LAMA4: variants seen among roughly 807,000 people sequenced by gnomAD.
The protein encoded by LAMA4 is laminin subunit alpha 4, also known as laminin subunit alpha-4.
Under a neutral mutation model 207.1 loss-of-function variants are expected in LAMA4, and 127 were observed. The ratio of observed to expected loss-of-function variants is 0.61; its 90% CI spans 0.53 to 0.71. LAMA4 has a LOEUF of 0.71. Ranked by LOEUF, LAMA4 falls within the 30% of genes least tolerant of loss-of-function variation. The pLI, the probability that LAMA4 is intolerant of heterozygous loss-of-function variation, is 0.00. For missense variants in LAMA4, 2,093 were observed against 2,246.5 expected (o/e 0.93, Z 1.38); for synonymous variants, 761 against 816.0 (o/e 0.93, Z 1.15).
At chr6:112,184,023 T>A (rs370778798) in intron 9 of LAMA4, among the ~76,000 whole-genome samples, 1 of 151,266 alleles carries the variant, frequency 6.6e-6, no homozygotes, top group East Asian at 1.9e-4. Context: ...GATACCAACA[T>A]GAAGTAACAA....
At chr6:112,125,423 A>G (rs1301842654) in intron 31 of LAMA4, among the ~76,000 whole-genome samples, 1 of 152,198 alleles carries the variant, frequency 6.6e-6, no homozygotes, top group African/African-American at 2.4e-5. Flanking sequence ...CATCTAAAAC[A>G]CAGGGCCTGC....
intron 2 of LAMA4, among the ~76,000 whole-genome samples, chr6:112,220,847 A>ACTT (rs1784884831): frequency 1.3e-5 from 2 of 152,168 alleles, no homozygotes; most frequent in Non-Finnish European, 2.9e-5. Flanking sequence ...GTTATTAAAT[A>ACTT]AAGTGGGTAC....
chr6:112,119,585 G>A (rs998019967), intron 33 of LAMA4, among the ~76,000 whole-genome samples: 13 of 152,040 alleles, frequency 8.6e-5, no homozygotes, highest in African/African-American at 3.1e-4. Flanking sequence ...CTGTCTCCAG[G>A]CCCCTTTGCT....
chr6:112,224,938 G>GT (rs5879142), intron 2 of LAMA4, among the ~76,000 whole-genome samples: 48,765 of 142,974 alleles, frequency 0.34, 8,511 homozygotes, highest in East Asian at 0.67. Context: ...TTCTTTCTCA[G>GT]TTTTTTTTTT....
At chr6:112,135,095 T>C (rs1460332863) in intron 25 of LAMA4, among the ~76,000 whole-genome samples, 1 of 145,584 alleles carries the variant, frequency 6.9e-6, no homozygotes, top group Non-Finnish European at 1.5e-5. Flanking sequence ...AGCATTTCCT[T>C]GTGTCCCTTT....
At position 112,134,554 on chromosome 6, in the gene LAMA4, T is replaced by G. The variant is rs1554330891; in HGVS notation, c.3470A>C (p.His1157Pro). The change falls in exon 26 of 39, where the codon CAT becomes CCT. Residue 1157 changes from histidine (H) to proline (P), a missense_variant. Transcript: ENST00000230538. Reference sequence around the variant, plus strand: ...CTTTTCATTATCCATGCTCTTGACATGCCTTCTGTCAACTACCAAGATCAT... The same window carrying G: ...CTTTTCATTATCCATGCTCTTGACAGGCCTTCTGTCAACTACCAAGATCAT... ...KKMILVVDRR[H>P]VKSMDNEKMK... 1 of 1,610,322 alleles carries G rather than the reference T, an allele frequency of 6.2e-7. No homozygotes were observed. Among genetic ancestry groups the G allele is most frequent in the African/African-American group, 1.3e-5 (1 of 74,954 alleles).
chr6:112,228,166 A>ACC (rs1190020473), intron 2 of LAMA4, among the ~76,000 whole-genome samples: 1 of 152,186 alleles, frequency 6.6e-6, no homozygotes, highest in Non-Finnish European at 1.5e-5. Context: ...GACAAGAGTA[A>ACC]CCCACAAGCT....
intron 4 of LAMA4, among the ~76,000 whole-genome samples, chr6:112,202,908 C>T (rs1344350228): frequency 6.6e-6 from 1 of 152,140 alleles, no homozygotes; most frequent in South Asian, 2.1e-4. Context: ...TGGAGTCATC[C>T]GCCTGTAGCT....
intron 5 of LAMA4, among the ~76,000 whole-genome samples, chr6:112,193,134 C>G (rs560694544): frequency 3.7e-4 from 56 of 152,098 alleles, no homozygotes; most frequent in African/African-American, 1.3e-3. Context: ...TGTGGTCACA[C>G]CATAATGGGA....
At chr6:112,133,735 C>T (rs1249753397) in intron 26 of LAMA4, among the ~76,000 whole-genome samples, 3 of 152,128 alleles carry the variant, frequency 2.0e-5, no homozygotes, top group Non-Finnish European at 2.9e-5. Flanking sequence ...CTCATTTTAT[C>T]TTTATAACAA....
chr6:112,186,634 C>G, intron 8 of LAMA4: 1 of 372,848 alleles, frequency 2.7e-6, no homozygotes, highest in Non-Finnish European at 5.1e-6. Flanking sequence ...TATGCACATC[C>G]TCCAGAATAC....
intron 2 of LAMA4, among the ~76,000 whole-genome samples, chr6:112,227,698 CCTTT>C (rs1351495383): frequency 1.3e-5 from 2 of 152,176 alleles, no homozygotes; most frequent in African/African-American, 4.8e-5. Context: ...ATTTGTCCTT[CCTTT>C]GTTTTTCACC....
At chr6:112,213,499 C>T (rs569238939) in intron 3 of LAMA4, 1 of 152,332 alleles carries the variant, frequency 6.6e-6, no homozygotes, top group African/African-American at 2.4e-5. Flanking sequence ...TTCCAGTTCT[C>T]ATAAGATGCA....
chr6:112,171,840 G>C (rs1038018629), intron 12 of LAMA4: 3 of 152,330 alleles, frequency 2.0e-5, no homozygotes. Context: ...AATCAGGCTA[G>C]AGAGCCTAGT....
At position 112,148,164 on chromosome 6, in the gene LAMA4, C is replaced by T. The variant is rs1780148680; in HGVS notation, c.2346G>A (p.Arg782=). Residue 782 remains arginine (R), a synonymous_variant, in exon 18 of 39, where the codon AGG becomes AGA. Transcript: ENST00000230538. ...SAYNTAVNSA[R]DAVRNLTEVV... is the part of the protein sequence containing the mutation. ...GAAATTTCTAAGTGATACCTGCATC[C>T]CTAGCAGAGTTCACTGCAGTGTTGT... The T allele has an allele frequency of 3.1e-6, 5 of 1,613,616 alleles. No homozygotes were observed. The highest frequency in any genetic ancestry group is 4.2e-6 in the Non-Finnish European group (5 of 1,179,562).
chr6:112,115,890 G>A lies in LAMA4; in HGVS notation c.5085C>T (p.Tyr1695=). The A allele has an allele frequency of 1.9e-6, 3 of 1,613,338 alleles. No individual in the cohort carries two copies. Among genetic ancestry groups the A allele is most frequent in the Non-Finnish European group, 2.5e-6 (3 of 1,179,506 alleles). ...LVHGHSVNGE[Y]LNVHMKNGQV... is the part of the protein sequence containing the mutation. ...GTCCATTTTTCATGTGAACATTTAGGTACTCCCCATTGACACTGTGGCCGT... is the reference window on the plus strand; with the variant it reads ...GTCCATTTTTCATGTGAACATTTAGATACTCCCCATTGACACTGTGGCCGT... Residue 1695 remains tyrosine (Y), a synonymous_variant, in exon 36 of 39, where the codon TAC becomes TAT. Transcript: ENST00000230538.
intron 4 of LAMA4, among the ~76,000 whole-genome samples, chr6:112,202,701 G>T (rs1162425866): frequency 1.3e-5 from 2 of 152,126 alleles, no homozygotes; most frequent in Non-Finnish European, 2.9e-5. Context: ...CAAACAGTTG[G>T]GTAAAAACAT....
intron 5 of LAMA4, among the ~76,000 whole-genome samples, chr6:112,194,516 G>A (rs1396570779): frequency 1.3e-5 from 2 of 152,122 alleles, no homozygotes; most frequent in Non-Finnish European, 2.9e-5. Context: ...TCAAAACTCT[G>A]GACCCTATGG....
intron 2 of LAMA4, among the ~76,000 whole-genome samples, chr6:112,232,136 G>A (rs541577960): frequency 6.6e-5 from 10 of 152,226 alleles, no homozygotes; most frequent in African/African-American, 2.4e-4. Context: ...AGGGACACTG[G>A]TAACAAGGCC....
Sources: gnomAD v4.1 joint callset for allele counts (sites outside exome capture counted in the v4.1 genomes callset) on GRCh38, gnomAD v4.1.1 for gene constraint, MANE v1.5 for transcripts, NCBI Gene and HGNC (gene_info 2026-07-23, HGNC 2026-07-21) for gene names.